CPAP: variants seen among roughly 807,000 people sequenced by gnomAD.
CPAP encodes centrosome assembly and centriole elongation protein.
At chr13:24,895,275 G>A in the CPAP span, among the ~76,000 whole-genome samples, 3 of 152,338 alleles carry the variant, frequency 2.0e-5, no homozygotes, top group South Asian at 6.2e-4. Context: ...CCCCGAGCAG[G>A]TTTAAAAAAG....
chr13:24,927,353 C>T, the CPAP span, among the ~76,000 whole-genome samples: 1 of 152,098 alleles, frequency 6.6e-6, no homozygotes, highest in African/African-American at 2.4e-5. Context: ...AATTGAGGAA[C>T]AATTAAAAGC....
chr13:24,886,576 G>A, the CPAP span, among the ~76,000 whole-genome samples: 1 of 152,222 alleles, frequency 6.6e-6, no homozygotes, highest in Non-Finnish European at 1.5e-5. Context: ...GGAGTACACA[G>A]GGGTTTAGGC....
the CPAP span, chr13:24,899,432 C>G: frequency 6.2e-7 from 1 of 1,612,596 alleles, no homozygotes; most frequent in Admixed American, 1.7e-5. Flanking sequence ...TATTTCTTCA[C>G]GTTCCTTTTT....
At chr13:24,885,280 C>G in the CPAP span, 1 of 1,584,028 alleles carries the variant, frequency 6.3e-7, no homozygotes, top group Non-Finnish European at 8.7e-7. Flanking sequence ...TTTAACCTTT[C>G]CATCAGGATG....
the CPAP span, among the ~76,000 whole-genome samples, chr13:24,922,208 A>G: frequency 6.6e-6 from 1 of 152,256 alleles, no homozygotes; most frequent in Non-Finnish European, 1.5e-5. Context: ...CAGTATTGAA[A>G]AAAAGATAAA....
At chr13:24,906,938 A>G in the CPAP span, 2 of 1,613,990 alleles carry the variant, frequency 1.2e-6, no homozygotes, top group African/African-American at 1.3e-5. Context: ...TTTTGCTTTG[A>G]TTGGCAATGG....
At chr13:24,894,064 G>A in the CPAP span, among the ~76,000 whole-genome samples, 2 of 152,158 alleles carry the variant, frequency 1.3e-5, no homozygotes, top group Non-Finnish European at 2.9e-5. Context: ...GGAAGCAACA[G>A]GAGGGTGCCT....
the CPAP span, chr13:24,904,074 T>C: frequency 3.1e-6 from 5 of 1,613,370 alleles, no homozygotes; most frequent in African/African-American, 2.7e-5. Flanking sequence ...AAATAGGCCA[T>C]AAATACTGAA....
chr13:24,932,921 T>C, the CPAP span: 1 of 811,960 alleles, frequency 1.2e-6, no homozygotes, highest in Non-Finnish European at 2.0e-6. Flanking sequence ...TGCCTAATTT[T>C]TCCAGTTTGT....
the CPAP span, chr13:24,909,972 T>G: frequency 6.2e-7 from 1 of 1,614,196 alleles, no homozygotes; most frequent in Non-Finnish European, 8.5e-7. Context: ...TGTTTCTTCC[T>G]GGGTTGGGTC....
the CPAP span, among the ~76,000 whole-genome samples, chr13:24,918,282 A>G: frequency 1.4e-4 from 22 of 152,356 alleles, no homozygotes; most frequent in African/African-American, 5.3e-4. Flanking sequence ...CAAAGCGAAC[A>G]GAAAAAGTTT....
At chr13:24,892,972 A>G in the CPAP span, 2 of 864,350 alleles carry the variant, frequency 2.3e-6, no homozygotes, top group Middle Eastern at 5.8e-4. Flanking sequence ...CCAGCAAGAA[A>G]GGGAAGGCTT....
chr13:24,903,075 A>C, the CPAP span, among the ~76,000 whole-genome samples: 4 of 152,228 alleles, frequency 2.6e-5, no homozygotes, highest in African/African-American at 9.6e-5. Flanking sequence ...TCTACGTAAA[A>C]TTTATATAGA....
At chr13:24,906,906 G>A in the CPAP span, 128 of 1,613,812 alleles carry the variant, frequency 7.9e-5, no homozygotes, top group Middle Eastern at 1.6e-4. Context: ...CCTTCTCCTC[G>A]TTTTAAAAAT....
the CPAP span, chr13:24,923,037 A>G: frequency 1.3e-5 from 2 of 152,450 alleles, no homozygotes; most frequent in East Asian, 1.9e-4. Context: ...CCAGTGGTCG[A>G]CGTAGGCGGG....
the CPAP span, among the ~76,000 whole-genome samples, chr13:24,891,630 T>TC: frequency 2.0e-5 from 3 of 151,642 alleles, no homozygotes; most frequent in South Asian, 4.2e-4. Flanking sequence ...TGCCACCCAG[T>TC]CCCCCCAAGC....
chr13:24,908,006 C>T, the CPAP span: 10 of 1,547,998 alleles, frequency 6.5e-6, no homozygotes, highest in African/African-American at 1.4e-5. Context: ...TCACTTTCAA[C>T]ACGAACAATA....
chr13:24,892,221 G>A, the CPAP span, among the ~76,000 whole-genome samples: 9 of 152,174 alleles, frequency 5.9e-5, no homozygotes, highest in South Asian at 4.1e-4. Context: ...TGTCATATGC[G>A]TGCCACTCTT....
At chr13:24,906,391 A>G in the CPAP span, 1 of 1,612,740 alleles carries the variant, frequency 6.2e-7, no homozygotes, top group Non-Finnish European at 8.5e-7. Flanking sequence ...GAGAAGATTC[A>G]GACTCTTTCA....
Sources: allele counts gnomAD v4.1 joint callset (sites outside exome capture counted in the v4.1 genomes callset), GRCh38; gene constraint gnomAD v4.1.1; transcripts MANE v1.5; gene names NCBI Gene and HGNC (gene_info 2026-07-23, HGNC 2026-07-21).